Variants in PCDHGA10 observed in about 807,000 individuals in gnomAD.
PCDHGA10 encodes protocadherin gamma-A10.
PCDHGA10 carries 42 observed loss-of-function variants against 59.5 expected under a neutral mutation model. The observed-to-expected ratio is 0.71, with a 90% CI of 0.55 to 0.91. PCDHGA10 has a LOEUF of 0.91. Among genes scored for constraint, PCDHGA10 ranks in the 40% least tolerant of loss-of-function variants. The pLI, the probability that PCDHGA10 is intolerant of heterozygous loss-of-function variation, is 0.00. For synonymous variants in PCDHGA10, 511 were observed against 517.2 expected (o/e 0.99, Z 0.16); for missense variants, 1,111 against 1,198.2 (o/e 0.93, Z 1.07).
Position 141,450,758 on chromosome 5 carries a change from A to C in PCDHGA10, c.2436+35147A>C, listed in dbSNP as rs1007910264. On this transcript the variant is annotated intron_variant, in intron 1 of 3. Transcript: ENST00000398610. ...CGCCTTGGCCTCCCAAAGTGCCGGGATTACAGGCATGAGCCACCGTGCCCG... is the reference window on the plus strand; with the variant it reads ...CGCCTTGGCCTCCCAAAGTGCCGGGCTTACAGGCATGAGCCACCGTGCCCG... Among the ~76,000 whole-genome samples the C allele has an allele frequency of 5.3e-5, 8 of 151,784 alleles. No individual in the cohort carries two copies. In the East Asian group the frequency reaches 1.4e-3, roughly 26 times the overall value.
intron 1 of PCDHGA10, chr5:141,427,240 C>G (rs1447231420): frequency 1.3e-5 from 6 of 456,536 alleles, no homozygotes; most frequent in Non-Finnish European, 2.6e-5. Context: ...AGAGTAGAAG[C>G]TAAGGATGGT....
At chr5:141,427,444 G>T (rs1184893966) in intron 1 of PCDHGA10, 1 of 482,228 alleles carries the variant, frequency 2.1e-6, no homozygotes, top group South Asian at 1.5e-5. Flanking sequence ...ATAAACGAAA[G>T]AGTTCCTTTT....
At position 141,493,666 on chromosome 5, in the gene PCDHGA10, C is replaced by T. The variant is rs1475584876; in HGVS notation, c.2437-1141C>T. On this transcript the variant is annotated intron_variant, in intron 1 of 3. Transcript: ENST00000398610. The surrounding 1 kb of genome is among the most constrained non-coding windows in gnomAD (Gnocchi z 4.3). ...GCCATCCCTGTGCCCTTCTCCATGG[C>T]AGCCCCAGAATGGTGCTGGTGACTC... 6.6e-6 allele frequency among the ~76,000 whole-genome samples: 1 copy of T among 152,176 alleles called. No individual in the cohort carries two copies. The highest frequency in any genetic ancestry group is 1.5e-5 in the Non-Finnish European group (1 of 68,028).
intron 1 of PCDHGA10, among the ~76,000 whole-genome samples, chr5:141,494,498 C>G (rs2099754760): frequency 6.6e-6 from 1 of 152,138 alleles, no homozygotes; most frequent in African/African-American, 2.4e-5. Flanking sequence ...GCCTTCAGTC[C>G]TTGAATTTTG....
chr5:141,414,486 AACGG>A lies in PCDHGA10; in HGVS notation c.1313_1316del (p.Thr438LysfsTer40). ...CAGATGGGGGAAGTCCTCCTCTATCAACGGAAGCTCACTTTATGCTACAAGTGGC... is the reference window on the plus strand; with the variant it reads ...CAGATGGGGGAAGTCCTCCTCTATCAAAGCTCACTTTATGCTACAAGTGGC... On this transcript the variant is annotated frameshift_variant, in exon 1 of 4. Coordinates refer to ENST00000398610, the MANE Select transcript of PCDHGA10 (RefSeq NM_018913.3). LOFTEE classifies it high-confidence loss of function. 6.2e-7 allele frequency: 1 copy of A among 1,613,938 alleles called. No homozygotes were observed. Among genetic ancestry groups the A allele is most frequent in the Non-Finnish European group, 8.5e-7 (1 of 1,179,902 alleles).
intron 2 of PCDHGA10, among the ~76,000 whole-genome samples, chr5:141,498,397 G>A (rs1019408022): frequency 1.3e-5 from 2 of 152,136 alleles, no homozygotes; most frequent in African/African-American, 4.8e-5. Flanking sequence ...GAATGGCAGG[G>A]AGTTTTCTCT....
Position 141,421,318 on chromosome 5 carries a change from C to T in PCDHGA10, c.2436+5707C>T, listed in dbSNP as rs370020854. 5.6e-6 allele frequency: 9 copies of T among 1,613,824 alleles called. No homozygotes were observed. In the East Asian group the frequency reaches 2.0e-4, roughly 36 times the overall value. On this transcript the variant is annotated intron_variant, in intron 1 of 3. Coordinates refer to ENST00000398610, the MANE Select transcript of PCDHGA10 (RefSeq NM_018913.3). ...GACGCTGCGGGGGTTCCGGGCCAGG[C>T]AGATCCGATATTCGGTGCCAGAAGA...
At chr5:141,469,792 A>G (rs989190786) in intron 1 of PCDHGA10, among the ~76,000 whole-genome samples, 1 of 152,194 alleles carries the variant, frequency 6.6e-6, no homozygotes, top group African/African-American at 2.4e-5. Flanking sequence ...GTTATTTGTA[A>G]TTGCAAAAAC....
rs2097424370 is a variant in PCDHGA10, at chr5:141,431,859, C to G, written c.2436+16248C>G. On this transcript the variant is annotated intron_variant, in intron 1 of 3. Coordinates refer to ENST00000398610, the MANE Select transcript of PCDHGA10 (RefSeq NM_018913.3). The surrounding 1 kb of genome is among the most constrained non-coding windows in gnomAD (Gnocchi z 4.8). ...AACTCTCCCAGAGGGACATTAATTG[C>G]CCTTTTAAATGTAAATGACCAAGAT... is the stretch of plus-strand genomic sequence containing the variant. The G allele has an allele frequency of 1.2e-6, 2 of 1,614,060 alleles. No individual in the cohort carries two copies. Among genetic ancestry groups the G allele is most frequent in the Middle Eastern group, 3.3e-4 (2 of 6,084 alleles).
Position 141,490,685 on chromosome 5 carries a change from A to G in PCDHGA10, c.2437-4122A>G, listed in dbSNP as rs2099703028. On this transcript the variant is annotated intron_variant, in intron 1 of 3. Coordinates refer to ENST00000398610, the MANE Select transcript of PCDHGA10 (RefSeq NM_018913.3). The surrounding 1 kb of genome is among the most constrained non-coding windows in gnomAD (Gnocchi z 5.4). ...TGCACTGTGGCTGCCTCAGATCCAGACACTGGGGATAATGCCCGCCTCACC... is the reference window on the plus strand; with the variant it reads ...TGCACTGTGGCTGCCTCAGATCCAGGCACTGGGGATAATGCCCGCCTCACC... The G allele has an allele frequency of 1.9e-6, 3 of 1,614,030 alleles. No individual in the cohort carries two copies. Among genetic ancestry groups the G allele is most frequent in the South Asian group, 2.2e-5 (2 of 91,082 alleles).
chr5:141,486,489 G>T lies in PCDHGA10; in HGVS notation c.2437-8318G>T. 2 of 1,614,060 alleles carry T rather than the reference G, an allele frequency of 1.2e-6. No homozygotes were observed. The highest frequency in any genetic ancestry group is 1.7e-6 in the Non-Finnish European group (2 of 1,179,892). ...GGGAACCCTCCTCTCAGTACCCACA[G>T]AACTATTTTCCTCAATATTTCAGAT... On this transcript the variant is annotated intron_variant, in intron 1 of 3. Coordinates refer to ENST00000398610, the MANE Select transcript of PCDHGA10 (RefSeq NM_018913.3). The surrounding 1 kb of genome is among the most constrained non-coding windows in gnomAD (Gnocchi z 5.0).
At position 141,432,232 on chromosome 5, in the gene PCDHGA10, G is replaced by A. The variant is rs766929605; in HGVS notation, c.2436+16621G>A. Reference sequence around the variant, plus strand: ...AGAACGCCCAGATCACTTATTCCCTGGCTGAGAACACCATCCAAGGGGCAA... The same window carrying A: ...AGAACGCCCAGATCACTTATTCCCTAGCTGAGAACACCATCCAAGGGGCAA... On this transcript the variant is annotated intron_variant, in intron 1 of 3. Coordinates refer to ENST00000398610, the MANE Select transcript of PCDHGA10 (RefSeq NM_018913.3). The surrounding 1 kb of genome is among the most constrained non-coding windows in gnomAD (Gnocchi z 6.0). The A allele has an allele frequency of 6.2e-7, 1 of 1,614,188 alleles. No homozygotes were observed. The highest frequency in any genetic ancestry group is 1.6e-4 in the Middle Eastern group (1 of 6,062).
intron 1 of PCDHGA10, among the ~76,000 whole-genome samples, chr5:141,455,315 T>G (rs1416163436): frequency 6.6e-6 from 1 of 152,152 alleles, no homozygotes; most frequent in Non-Finnish European, 1.5e-5. Context: ...TTAGCAATTT[T>G]GTGTGTGTGT....
rs564439931 is a variant in PCDHGA10 at position 141,490,480 on chromosome 5, C to T, written c.2437-4327C>T. On this transcript the variant is annotated intron_variant, in intron 1 of 3. Coordinates refer to ENST00000398610, the MANE Select transcript of PCDHGA10 (RefSeq NM_018913.3). The surrounding 1 kb of genome is among the most constrained non-coding windows in gnomAD (Gnocchi z 5.4). ...GCTGCTAACCAGCCAGCCTTTGGAC[C>T]GGGAGGCCACATCCCACTATATCAT... The T allele has an allele frequency of 3.5e-5, 56 of 1,614,194 alleles. No individual in the cohort carries two copies. Among genetic ancestry groups the T allele is most frequent in the Admixed American group, 1.5e-4 (9 of 60,022 alleles).
chr5:141,505,436 T>C lies in PCDHGA10; in HGVS notation c.2539T>C (p.Phe847Leu). 1.2e-6 allele frequency: 2 copies of C among 1,614,118 alleles called. No homozygotes were observed. The highest frequency in any genetic ancestry group is 1.7e-6 in the Non-Finnish European group (2 of 1,179,998). ...DDTGTWPNNQ[F>L]DTEMLQAMIL... is the part of the protein sequence containing the mutation. ...CACCGGCACCTGGCCCAACAACCAG[T>C]TTGACACAGAGATGCTGCAAGCCAT... Residue 847 changes from phenylalanine (F) to leucine (L), a missense_variant, in exon 3 of 4, where the codon TTT becomes CTT. Phe to Leu is a conservative substitution (Grantham distance 22). Coordinates refer to ENST00000398610, the MANE Select transcript of PCDHGA10 (RefSeq NM_018913.3).
chr5:141,419,776 C>A (rs965350189), intron 1 of PCDHGA10: 3 of 1,613,908 alleles, frequency 1.9e-6, no homozygotes, highest in African/African-American at 2.7e-5. Flanking sequence ...ACTCGGTCCG[C>A]CAGCGCCTGC....
intron 1 of PCDHGA10, among the ~76,000 whole-genome samples, chr5:141,467,475 T>C (rs2099144764): frequency 6.6e-6 from 1 of 152,248 alleles, no homozygotes; most frequent in Non-Finnish European, 1.5e-5. Flanking sequence ...GCATGGTTTT[T>C]GGTTTCCACA....
intron 1 of PCDHGA10, chr5:141,418,882 C>G: frequency 1.2e-6 from 2 of 1,613,960 alleles, no homozygotes; most frequent in Non-Finnish European, 1.7e-6. Flanking sequence ...TAGACGAAAA[C>G]GACAACAGCC....
rs1349189547 is a variant in PCDHGA10 at position 141,432,777 on chromosome 5, C to T, written c.2436+17166C>T. Reference sequence around the variant, plus strand: ...GCCGACAGCATCCCCCAAGTCCTGGCGGACCTCGGCAGCCTCGAGTCTCCA... The same window carrying T: ...GCCGACAGCATCCCCCAAGTCCTGGTGGACCTCGGCAGCCTCGAGTCTCCA... On this transcript the variant is annotated intron_variant, in intron 1 of 3. Coordinates refer to ENST00000398610, the MANE Select transcript of PCDHGA10 (RefSeq NM_018913.3). This position sits in a 1 kb window ranked among gnomAD's most constrained non-coding sequence, Gnocchi z 6.0. The T allele has an allele frequency of 6.2e-6, 10 of 1,614,154 alleles. No individual in the cohort carries two copies. The highest frequency in any genetic ancestry group is 7.6e-6 in the Non-Finnish European group (9 of 1,179,992).
Sources: gnomAD v4.1 joint callset for allele counts (sites outside exome capture counted in the v4.1 genomes callset) on GRCh38, gnomAD v4.1.1 for gene constraint, Gnocchi (gnomAD v3.1) non-coding constraint, MANE v1.5 for transcripts, NCBI Gene and HGNC (gene_info 2026-07-23, HGNC 2026-07-21) for gene names.